ZNF804A: variants seen among roughly 807,000 people sequenced by gnomAD.
ZNF804A encodes the protein zinc finger protein 804A.
Under a neutral mutation model 16.5 loss-of-function variants are expected in ZNF804A, and 2 were observed. That is an observed-to-expected ratio of 0.12 (90% CI 0.05 to 0.38). The LOEUF (loss-of-function observed/expected upper bound fraction) is 0.38, where lower values mean the gene tolerates loss of function less well. Ranked by LOEUF, ZNF804A falls within the 10% of genes least tolerant of loss-of-function variation. The pLI, the probability that ZNF804A is intolerant of heterozygous loss-of-function variation, is 0.99. For missense variants in ZNF804A, 1,473 were observed against 1,390.7 expected (o/e 1.06, Z -0.94); for synonymous variants, 534 against 489.6 (o/e 1.09, Z -1.20).
intron 1 of ZNF804A, among the ~76,000 whole-genome samples, chr2:184,649,700 C>T (rs923597482): frequency 6.6e-6 from 1 of 151,878 alleles, no homozygotes. Context: ...AGAATTTCCT[C>T]TGGAAGAACA....
chr2:184,824,269 A>G (rs953424537), intron 1 of ZNF804A, among the ~76,000 whole-genome samples: 9 of 152,180 alleles, frequency 5.9e-5, no homozygotes, highest in African/African-American at 2.2e-4. Context: ...AGCCTCCATG[A>G]CAATATATAT....
At chr2:184,875,808 A>AGAAAAAAAT (rs1696046257) in intron 2 of ZNF804A, among the ~76,000 whole-genome samples, 1 of 151,194 alleles carries the variant, frequency 6.6e-6, no homozygotes, top group South Asian at 2.1e-4. Flanking sequence ...TCAGGTAAAG[A>AGAAAAAAAT]GAAAAAAATT....
intron 1 of ZNF804A, among the ~76,000 whole-genome samples, chr2:184,727,452 T>G (rs1396565050): frequency 6.6e-6 from 1 of 151,668 alleles, no homozygotes; most frequent in Non-Finnish European, 1.5e-5. Flanking sequence ...CTTCAAGTAC[T>G]CAGCTAAACT....
intron 2 of ZNF804A, among the ~76,000 whole-genome samples, chr2:184,913,201 TTA>T (rs1359694812): frequency 6.6e-6 from 1 of 152,158 alleles, no homozygotes; most frequent in Non-Finnish European, 1.5e-5. Context: ...ACCTCCTTCT[TTA>T]TGTAGTTATT....
chr2:184,663,713 A>G (rs1412914278), intron 1 of ZNF804A, among the ~76,000 whole-genome samples: 4 of 152,172 alleles, frequency 2.6e-5, no homozygotes, highest in African/African-American at 9.7e-5. Flanking sequence ...CCATGGACCA[A>G]TCTGCACACA....
intron 1 of ZNF804A, among the ~76,000 whole-genome samples, chr2:184,630,855 C>T (rs1354405201): frequency 6.6e-6 from 1 of 151,652 alleles, no homozygotes; most frequent in Non-Finnish European, 1.5e-5. Flanking sequence ...TAAATAAAAT[C>T]TGTCATTTTA....
chr2:184,644,908 T>G (rs1016593735), intron 1 of ZNF804A, among the ~76,000 whole-genome samples: 1 of 152,078 alleles, frequency 6.6e-6, no homozygotes, highest in Non-Finnish European at 1.5e-5. Flanking sequence ...TTTTCTTAAA[T>G]AAAAATCTGT....
chr2:184,725,576 A>G (rs1371498489), intron 1 of ZNF804A, among the ~76,000 whole-genome samples: 1 of 151,652 alleles, frequency 6.6e-6, no homozygotes, highest in African/African-American at 2.4e-5. Flanking sequence ...GAGGTCCTGT[A>G]TACCTTTCAT....
chr2:184,878,243 A>T (rs960883572), intron 2 of ZNF804A, among the ~76,000 whole-genome samples: 3 of 152,080 alleles, frequency 2.0e-5, no homozygotes, highest in Non-Finnish European at 1.5e-5. Context: ...GACAACAAAG[A>T]AATGCAGGTA....
chr2:184,809,813 C>A (rs1574222839), intron 1 of ZNF804A, among the ~76,000 whole-genome samples: 1 of 151,772 alleles, frequency 6.6e-6, no homozygotes, highest in Non-Finnish European at 1.5e-5. Context: ...CTCTCAATAC[C>A]TTGACTCCCC....
intron 1 of ZNF804A, among the ~76,000 whole-genome samples, chr2:184,837,340 C>A (rs2105798408): frequency 6.6e-6 from 1 of 152,102 alleles, no homozygotes; most frequent in Middle Eastern, 3.4e-3. Context: ...CAAATTATGG[C>A]ATATTTTCTA....
chr2:184,658,223 C>T (rs2070016383), intron 1 of ZNF804A, among the ~76,000 whole-genome samples: 1 of 152,304 alleles, frequency 6.6e-6, no homozygotes, highest in East Asian at 1.9e-4. Flanking sequence ...GTGGCTCACG[C>T]CTGTAATCCC....
intron 1 of ZNF804A, among the ~76,000 whole-genome samples, chr2:184,803,681 A>G (rs571571735): frequency 1.4e-4 from 21 of 152,298 alleles, no homozygotes; most frequent in African/African-American, 4.8e-4. Context: ...TGAGTGTTTA[A>G]AACAATTGCA....
rs1559010507 is a variant in ZNF804A at position 184,939,112 on chromosome 2, T to A, written c.*86T>A. ...TCATCTATGTGGGTACATGGCTATT[T>A]AACTGGTGGAAATAAACTGGCCGAT... On this transcript the variant is annotated 3_prime_UTR_variant, in exon 4 of 4. Coordinates refer to ENST00000302277, the MANE Select transcript of ZNF804A (RefSeq NM_194250.2). 1 of 1,500,388 alleles carries A rather than the reference T, an allele frequency of 6.7e-7. No individual in the cohort carries two copies. 92.9% of individuals were successfully genotyped at this position (1,500,388 alleles called of 1,614,324 possible). A position where few individuals can be genotyped will look rare whatever the true frequency, so the allele number is the denominator to read the frequency against.
chr2:184,879,148 TGAGA>T lies in ZNF804A; in HGVS notation c.255+12647_255+12650del, dbSNP rs141198554. Among the ~76,000 whole-genome samples the T allele has an allele frequency of 2.1e-3, 317 of 151,516 alleles. 1 individual carries two copies. The highest frequency in any genetic ancestry group is 6.8e-3 in the African/African-American group (281 of 41,382). ...GATATATTTGTGTGTGTTGTGTGTG[TGAGA>T]GAGAGAGAGAAAGAGGAAAATAATC... On this transcript the variant is annotated intron_variant, in intron 2 of 3. Coordinates refer to ENST00000302277, the MANE Select transcript of ZNF804A (RefSeq NM_194250.2).
At chr2:184,861,037 G>T (rs1695792446) in intron 1 of ZNF804A, among the ~76,000 whole-genome samples, 1 of 152,200 alleles carries the variant, frequency 6.6e-6, no homozygotes, top group African/African-American at 2.4e-5. Context: ...CTCAGGCCTG[G>T]AGCCTAGGGC....
rs532866312 is a variant in ZNF804A at position 184,851,222 on chromosome 2, T to C, written c.112-15147T>C. ...ACGTAAAATCTACCCTCTTAGCAGT[T>C]TTTGAGAATGCAATACATTGTTATT... On this transcript the variant is annotated intron_variant, in intron 1 of 3. Transcript: ENST00000302277. Among the ~76,000 whole-genome samples, 6 of 151,922 alleles carry C rather than the reference T, an allele frequency of 3.9e-5. No individual in the cohort carries two copies. In the South Asian group the frequency reaches 1.2e-3, roughly 32 times the overall value.
chr2:184,831,307 G>A (rs547396284), intron 1 of ZNF804A, among the ~76,000 whole-genome samples: 2 of 151,178 alleles, frequency 1.3e-5, no homozygotes, highest in Non-Finnish European at 3.0e-5. Flanking sequence ...CCTTTACTCT[G>A]TGTGTGTGTG....
At chr2:184,688,356 G>T (rs1278533391) in intron 1 of ZNF804A, among the ~76,000 whole-genome samples, 1 of 151,626 alleles carries the variant, frequency 6.6e-6, no homozygotes, top group Non-Finnish European at 1.5e-5. Context: ...GTGTGTGTGT[G>T]TGTGTGTGTG....
Sources: allele counts gnomAD v4.1 joint callset (sites outside exome capture counted in the v4.1 genomes callset), GRCh38; gene constraint gnomAD v4.1.1; transcripts MANE v1.5; gene names NCBI Gene and HGNC (gene_info 2026-07-23, HGNC 2026-07-21).